The following SYNJ1 variants were observed in gnomAD, a reference collection of about 807,000 sequenced individuals.
SYNJ1 encodes synaptojanin 1.
Under a neutral mutation model 168.2 loss-of-function variants are expected in SYNJ1, and 78 were observed. The ratio of observed to expected loss-of-function variants is 0.46; its 90% CI spans 0.39 to 0.56. The LOEUF (loss-of-function observed/expected upper bound fraction) is 0.56, where lower values mean the gene tolerates loss of function less well. SYNJ1 is among the 20% of genes least tolerant of loss of function. The pLI is 0.00. For missense variants in SYNJ1, 1,303 were observed against 1,597.6 expected (o/e 0.82, Z 3.14); for synonymous variants, 539 against 548.6 (o/e 0.98, Z 0.24).
rs369584002 is a variant in SYNJ1, at chr21:32,643,465, G to T, written c.3431-8C>A. ...TGGGAGGGGCTCCAATACCTTTTTA[G>T]AGAAAGAACAGAAACTATATATTGT... On this transcript the variant is annotated splice_polypyrimidine_tract_variant and splice_region_variant and intron_variant, in intron 26 of 32. Transcript: ENST00000674351. The T allele has an allele frequency of 2.1e-5, 34 of 1,613,334 alleles. No individual in the cohort carries two copies. Among genetic ancestry groups the T allele is most frequent in the African/African-American group, 4.0e-5 (3 of 74,850 alleles).
chr21:32,698,453 C>T lies in SYNJ1; in HGVS notation c.479+1385G>A, dbSNP rs2042285868. On this transcript the variant is annotated intron_variant, in intron 4 of 32. Transcript: ENST00000674351. ...AGAGAAAAAGTACACAAGAGGAAAC[C>T]ATCTTGAATCTGAACTGTTAAGGGA... 2.0e-5 allele frequency among the ~76,000 whole-genome samples: 3 copies of T among 152,278 alleles called. No homozygotes were observed. In the South Asian group the frequency reaches 6.2e-4, roughly 32 times the overall value.
intron 8 of SYNJ1, 58 bp from the exon 9 acceptor site, chr21:32,685,975 T>G (rs2041825119): frequency 6.5e-7 from 1 of 1,534,870 alleles, no homozygotes; most frequent in Non-Finnish European, 8.8e-7. Flanking sequence ...AATATCCATC[T>G]AAATATTCAT....
intron 18 of SYNJ1, among the ~76,000 whole-genome samples, chr21:32,662,950 A>C (rs905322328): frequency 4.6e-5 from 7 of 152,152 alleles, no homozygotes; most frequent in Admixed American, 1.3e-4. Context: ...TCGAGTAAAT[A>C]TCTTAGTTCG....
rs2039285274 is a variant in SYNJ1 at position 32,630,727 on chromosome 21, T to G, written c.*1078A>C. 1 of 267,962 alleles carries G rather than the reference T, an allele frequency of 3.7e-6. No individual in the cohort carries two copies. The highest frequency in any genetic ancestry group is 2.2e-5 in the African/African-American group (1 of 45,948). The allele number at this position is 267,962 out of a possible 1,614,324, so 16.6% of individuals were successfully genotyped here. On this transcript the variant is annotated 3_prime_UTR_variant, in exon 33 of 33. Coordinates refer to ENST00000674351, the MANE Select transcript of SYNJ1 (RefSeq NM_203446.3). ...CCGAAAAGTTTCTGAATAAGGACTGTTTTCTAAAGTATAAGTACTTTTTAT... is the reference window on the plus strand; with the variant it reads ...CCGAAAAGTTTCTGAATAAGGACTGGTTTCTAAAGTATAAGTACTTTTTAT...
In SYNJ1 at chr21:32,630,934, C is replaced by T. The variant is rs938907464; in HGVS notation, c.*871G>A. 4.7e-6 allele frequency: 7 copies of T among 1,474,426 alleles called. No individual in the cohort carries two copies. Among genetic ancestry groups the T allele is most frequent in the South Asian group, 1.3e-5 (1 of 74,604 alleles). The allele number at this position is 1,474,426 out of a possible 1,614,324, so 91.3% of individuals were successfully genotyped here. ...TATTGCACATAATGAAATACTAATGCCCAATTCTCTTAGCTCTATCCTGCC... is the reference window on the plus strand; with the variant it reads ...TATTGCACATAATGAAATACTAATGTCCAATTCTCTTAGCTCTATCCTGCC... On this transcript the variant is annotated 3_prime_UTR_variant, in exon 33 of 33. Coordinates refer to ENST00000674351, the MANE Select transcript of SYNJ1 (RefSeq NM_203446.3).
chr21:32,706,010 A>T (rs756944931), intron 2 of SYNJ1, among the ~76,000 whole-genome samples: 1 of 152,118 alleles, frequency 6.6e-6, no homozygotes, highest in Non-Finnish European at 1.5e-5. Flanking sequence ...AACCAAAGTG[A>T]ACACCAACAG....
chr21:32,646,546 G>C lies in SYNJ1; in HGVS notation c.3094C>G (p.Pro1032Ala), dbSNP rs1452936372. Reference sequence around the variant, plus strand: ...GTACCAAGGCCGGAACTTGAAGATGGCTGGAGATGCTGAGGAAGAAGTTCC... The same window carrying C: ...GTACCAAGGCCGGAACTTGAAGATGCCTGGAGATGCTGAGGAAGAAGTTCC... ...VEELLPQHLQ[P>A]SSSSGLGTSP... The change falls in exon 24 of 33, where the codon CCA (proline) becomes GCA (alanine). Residue 1032 changes from proline to alanine, a missense_variant. Around this residue, in one of 2 missense-constraint regions of SYNJ1, gnomAD observed 383 missense variants for 388.8 expected, o/e 0.99. Transcript: ENST00000674351. 2.5e-6 allele frequency: 4 copies of C among 1,614,166 alleles called. No individual in the cohort carries two copies. In the African/African-American group the frequency reaches 4.0e-5, roughly 16 times the overall value.
chr21:32,686,925 T>C, intron 8 of SYNJ1, 53 bp downstream of exon 8: 1 of 1,170,980 alleles, frequency 8.5e-7, no homozygotes, highest in Non-Finnish European at 1.2e-6. Flanking sequence ...TATTTTTTAA[T>C]ACCATTCTAG....
chr21:32,659,661 C>T (rs140566326), intron 18 of SYNJ1, among the ~76,000 whole-genome samples: 13 of 152,256 alleles, frequency 8.5e-5, no homozygotes, highest in East Asian at 3.9e-4. Context: ...GACCCTATCA[C>T]GCGGACCCCC....
Position 32,726,886 on chromosome 21 carries a change from TG to T in SYNJ1, c.9del (p.Phe3LeufsTer19). 1 of 1,614,154 alleles carries T rather than the reference TG, an allele frequency of 6.2e-7. No homozygotes were observed. Among genetic ancestry groups the T allele is most frequent in the Non-Finnish European group, 8.5e-7 (1 of 1,180,020 alleles). MA[F>X]SKGFRIYHKL... ...TTGTGATAGATCCGGAATCCTTTAC[TG>T]AACGCCATTCTCCTTTCTTCGGAGG... On this transcript the variant is annotated frameshift_variant, in exon 2 of 33. Transcript: ENST00000674351. LOFTEE classifies it high-confidence loss of function.
Position 32,688,350 on chromosome 21 carries a change from G to C in SYNJ1, c.807C>G (p.Val269=). The change falls in exon 7 of 33, where the codon GTC becomes GTG. Residue 269 remains valine, a synonymous_variant. Coordinates refer to ENST00000674351, the MANE Select transcript of SYNJ1 (RefSeq NM_203446.3). ...QPGLQVGSHR[V]RMSRGFEANA... The stretch of plus-strand genomic sequence containing the variant: ...TGGCTTCAAATCCCCTTGACATACG[G>C]ACACGATGAGATCCCACCTTAGACA... The C allele has an allele frequency of 1.2e-6, 2 of 1,613,650 alleles. No homozygotes were observed. Among genetic ancestry groups the C allele is most frequent in the South Asian group, 1.1e-5 (1 of 90,984 alleles).
chr21:32,706,809 T>A (rs2042628081), intron 2 of SYNJ1, among the ~76,000 whole-genome samples: 1 of 152,112 alleles, frequency 6.6e-6, no homozygotes, highest in African/African-American at 2.4e-5. Context: ...CTAATTAAAT[T>A]TCTGCCCCAC....
At position 32,695,161 on chromosome 21, in the gene SYNJ1, C is replaced by G. The variant is rs371958110; in HGVS notation, c.601G>C (p.Ala201Pro). Residue 201 changes from alanine (A) to proline (P), a missense_variant, in exon 5 of 33, where the codon GCT becomes CCT. Ala to Pro is a conservative substitution (Grantham distance 27). Around this residue, in one of 2 missense-constraint regions of SYNJ1, gnomAD observed 920 missense variants for 1,208.8 expected, o/e 0.76. Transcript: ENST00000674351. The stretch of plus-strand genomic sequence containing the variant: ...CAGCTTAATCTTGAAATGAGGCAAG[C>G]CTTCGCCTGTTTATGAGCAGCATAA... ...TIYAAHKQAK[A>P]CLISRLSCER... The G allele has an allele frequency of 1.9e-6, 3 of 1,614,142 alleles. No individual in the cohort carries two copies. Among genetic ancestry groups the G allele is most frequent in the South Asian group, 1.1e-5 (1 of 91,082 alleles).
At chr21:32,655,559 C>T (rs1324201875) in intron 21 of SYNJ1, among the ~76,000 whole-genome samples, 4 of 152,032 alleles carry the variant, frequency 2.6e-5, no homozygotes, top group East Asian at 1.9e-4. Context: ...CTGTGGACTA[C>T]GCCCTTTAGG....
chr21:32,721,670 C>T (rs968926506), intron 2 of SYNJ1, among the ~76,000 whole-genome samples: 1 of 150,206 alleles, frequency 6.7e-6, no homozygotes, highest in African/African-American at 2.5e-5. Flanking sequence ...CAGAGCAAGA[C>T]TCCATCTTGG....
intron 14 of SYNJ1, among the ~76,000 whole-genome samples, chr21:32,671,711 T>G (rs967196897): frequency 6.6e-6 from 1 of 152,200 alleles, no homozygotes; most frequent in Admixed American, 6.5e-5. Flanking sequence ...GTGTTAGCTG[T>G]TATTTTATTA....
chr21:32,656,547 T>G, intron 21 of SYNJ1, 140 bp downstream of exon 21: 1 of 676,798 alleles, frequency 1.5e-6, no homozygotes, highest in East Asian at 2.7e-5. Context: ...AGTTTGGAAA[T>G]AAAAATACTC....
At chr21:32,670,240 T>C (rs1214264647) in intron 15 of SYNJ1, 48 bp downstream of exon 15, 1 of 1,496,504 alleles carries the variant, frequency 6.7e-7, no homozygotes, top group Admixed American at 1.7e-5. Context: ...TCCTCCATAG[T>C]TTCCCTCAAC....
intron 3 of SYNJ1, among the ~76,000 whole-genome samples, chr21:32,700,661 A>T (rs2042367595): frequency 6.6e-6 from 1 of 152,202 alleles, no homozygotes; most frequent in African/African-American, 2.4e-5. Flanking sequence ...CGTCTCAAAA[A>T]AAACCACACG....
Sources: gnomAD v4.1 joint callset for allele counts (sites outside exome capture counted in the v4.1 genomes callset) on GRCh38, gnomAD v4.1.1 for gene constraint, gnomAD v4.1.1 regional missense constraint, MANE v1.5 for transcripts, NCBI Gene and HGNC (gene_info 2026-07-23, HGNC 2026-07-21) for gene names.